PPP6R2: variants seen among roughly 807,000 people sequenced by gnomAD.
The protein encoded by PPP6R2 is protein phosphatase 6 regulatory subunit 2.
PPP6R2 carries 62 observed loss-of-function variants against 100.2 expected under a neutral mutation model. That is an observed-to-expected ratio of 0.62 (90% CI 0.50 to 0.76). PPP6R2 has a LOEUF of 0.76. Ranked by LOEUF, PPP6R2 falls within the 30% of genes least tolerant of loss-of-function variation. The pLI is 0.00. For synonymous variants in PPP6R2, 525 were observed against 514.7 expected, an observed-to-expected ratio of 1.02 and a Z score of -0.27; for missense variants, 1,142 against 1,276.3, an observed-to-expected ratio of 0.89 and a Z score of 1.60.
At chr22:50,410,469 CTTTTTTTTT>C (rs200178930) in intron 4 of PPP6R2, among the ~76,000 whole-genome samples, 1 of 103,342 alleles carries the variant, frequency 9.7e-6, no homozygotes, top group Admixed American at 1.0e-4. Flanking sequence ...TGAGTGGTGT[CTTTTTTTTT>C]TTTTTTTTTT....
chr22:50,424,618 C>T (rs1416179571), intron 10 of PPP6R2, among the ~76,000 whole-genome samples: 3 of 145,744 alleles, frequency 2.1e-5, no homozygotes, highest in Non-Finnish European at 3.0e-5. Flanking sequence ...ACCTACTTTC[C>T]TTTTCCCTCT....
intron 1 of PPP6R2, among the ~76,000 whole-genome samples, chr22:50,351,952 C>G (rs1220420908): frequency 6.6e-6 from 1 of 152,162 alleles, no homozygotes; most frequent in Non-Finnish European, 1.5e-5. Context: ...CACCACCATG[C>G]CCAGCTAATT....
rs775450178 is a variant in PPP6R2, at chr22:50,444,288, C to T, written c.*41C>T. 5.6e-6 allele frequency: 9 copies of T among 1,595,640 alleles called. 1 individual carries two copies. In the South Asian group the frequency reaches 9.1e-5, roughly 16 times the overall value. On this transcript the variant is annotated 3_prime_UTR_variant, in exon 24 of 24. Transcript: ENST00000612753. ...GCCACGGCCCACCCTGGTCAGGCTG[C>T]CTCCTTAATCGAGAAAACTACCTGG...
At chr22:50,412,797 A>G (rs2059948588) in intron 4 of PPP6R2, among the ~76,000 whole-genome samples, 1 of 150,800 alleles carries the variant, frequency 6.6e-6, no homozygotes, top group Non-Finnish European at 1.5e-5. Flanking sequence ...GCCCACCACC[A>G]TGCCCGGCTA....
the PPP6R2 span, among the ~76,000 whole-genome samples, chr22:50,336,241 G>C: frequency 6.6e-6 from 1 of 152,142 alleles, no homozygotes; most frequent in Non-Finnish European, 1.5e-5. Context: ...ACCCACCTCG[G>C]CTTCCCAAAG....
chr22:50,432,535 C>G (rs1037701832), intron 12 of PPP6R2, among the ~76,000 whole-genome samples: 9 of 152,136 alleles, frequency 5.9e-5, no homozygotes, highest in Non-Finnish European at 5.9e-5. Context: ...GGGGAGGGGA[C>G]ACAGGGAGCC....
At position 50,431,304 on chromosome 22, in the gene PPP6R2, T is replaced by G; in HGVS notation, c.1257T>G (p.Pro419=). The change falls in exon 11 of 24, where the codon CCT becomes CCG. Residue 419 remains proline (P), a synonymous_variant. Coordinates refer to ENST00000612753, the MANE Select transcript of PPP6R2 (RefSeq NM_001242898.2). The surrounding 1 kb of genome is among the most constrained non-coding windows in gnomAD (Gnocchi z 4.8). The part of the protein sequence containing the change: ...EASGSESRVE[P]PHENGNRSLE... ...GCGGATCCGAGAGCAGGGTGGAGCC[T>G]CCGCATGAGAACGGGAACCGGAGCC... is the stretch of plus-strand genomic sequence containing the variant. 1 of 1,613,298 alleles carries G rather than the reference T, an allele frequency of 6.2e-7. No individual in the cohort carries two copies. Among genetic ancestry groups the G allele is most frequent in the East Asian group, 2.2e-5 (1 of 44,880 alleles).
At chr22:50,349,592 GAGGC>G (rs2044549391) in intron 1 of PPP6R2, among the ~76,000 whole-genome samples, 1 of 152,096 alleles carries the variant, frequency 6.6e-6, no homozygotes, top group African/African-American at 2.4e-5. Context: ...TTGGGAGGCT[GAGGC>G]AGGTGGATCA....
chr22:50,332,758 G>T, the PPP6R2 span, among the ~76,000 whole-genome samples: 1 of 151,488 alleles, frequency 6.6e-6, no homozygotes, highest in African/African-American at 2.4e-5. Context: ...CAAGTAGTGG[G>T]TACTACAGGC....
At position 50,389,775 on chromosome 22, in the gene PPP6R2, T is replaced by C. The variant is rs2055049389; in HGVS notation, c.-16-4118T>C. On this transcript the variant is annotated intron_variant, in intron 2 of 23. Transcript: ENST00000612753. ...CACCATGCCTGGCTAATTTTTGTAT[T>C]TGTGGTAGAGATGGGGTTGGCCAGG... 1.3e-5 allele frequency among the ~76,000 whole-genome samples: 2 copies of C among 151,608 alleles called. 1 individual carries two copies. Among genetic ancestry groups the C allele is most frequent in the South Asian group, 4.2e-4 (2 of 4,800 alleles).
chr22:50,357,638 CT>C (rs1569278431), intron 1 of PPP6R2, among the ~76,000 whole-genome samples: 1 of 146,172 alleles, frequency 6.8e-6, no homozygotes, highest in Admixed American at 6.8e-5. Flanking sequence ...TTTTTTTTTT[CT>C]TTTTTTGAGA....
chr22:50,357,954 T>A (rs1362649504), intron 1 of PPP6R2, among the ~76,000 whole-genome samples: 2 of 152,092 alleles, frequency 1.3e-5, no homozygotes, highest in African/African-American at 2.4e-5. Flanking sequence ...TTAAATTTTT[T>A]AAATTTTAAT....
Position 50,431,521 on chromosome 22 carries a change from G to C in PPP6R2, c.1335+139G>C. 1 of 740,798 alleles carries C rather than the reference G, an allele frequency of 1.3e-6. No individual in the cohort carries two copies. 45.9% of individuals were successfully genotyped at this position (740,798 alleles called of 1,614,324 possible). A position where few individuals can be genotyped will look rare whatever the true frequency, so the allele number is the denominator to read the frequency against. On this transcript the variant is annotated intron_variant, in intron 11 of 23. Coordinates refer to ENST00000612753, the MANE Select transcript of PPP6R2 (RefSeq NM_001242898.2). The surrounding 1 kb of genome is among the most constrained non-coding windows in gnomAD (Gnocchi z 4.8). ...CTTTGAAAAGGGTCCCCAGGTGTCT[G>C]GTCAGACGCTCGTAGACAGTGGGGC...
At position 50,423,717 on chromosome 22, in the gene PPP6R2, G is replaced by T. The variant is rs2061624853; in HGVS notation, c.1125+103G>T. ...AGCAGGGCCCCAGCATTTGGACAAA[G>T]CTCTGCCACGGGGAGGTTCCAGTCC... On this transcript the variant is annotated intron_variant, in intron 10 of 23. Transcript: ENST00000612753. The surrounding 1 kb of genome is among the most constrained non-coding windows in gnomAD (Gnocchi z 4.8). The T allele has an allele frequency of 7.0e-7, 1 of 1,426,756 alleles. No individual in the cohort carries two copies. The highest frequency in any genetic ancestry group is 1.4e-5 in the African/African-American group (1 of 70,568). 88.4% of individuals were successfully genotyped at this position (1,426,756 alleles called of 1,614,324 possible). A position where few individuals can be genotyped will look rare whatever the true frequency, so the allele number is the denominator to read the frequency against.
At chr22:50,440,112 C>A in intron 21 of PPP6R2, 63 bp downstream of exon 21, 1 of 1,460,854 alleles carries the variant, frequency 6.8e-7, no homozygotes, top group Non-Finnish European at 9.4e-7. Flanking sequence ...GGCCAGCTGG[C>A]CCCCCTCCTT....
chr22:50,367,776 G>A (rs2148444658), intron 1 of PPP6R2, among the ~76,000 whole-genome samples: 1 of 152,212 alleles, frequency 6.6e-6, no homozygotes, highest in South Asian at 2.1e-4. Flanking sequence ...TTCTCTTTGT[G>A]TGCGGAGACG....
At chr22:50,397,972 CA>C (rs66500875) in intron 3 of PPP6R2, among the ~76,000 whole-genome samples, 2,918 of 76,394 alleles carry the variant, frequency 0.038, 359 homozygotes, top group African/African-American at 0.11. Context: ...GGGATGGGGG[CA>C]GGGGGGCCTG....
chr22:50,417,663 C>T (rs2060724916), intron 6 of PPP6R2, among the ~76,000 whole-genome samples: 1 of 152,180 alleles, frequency 6.6e-6, no homozygotes, highest in Non-Finnish European at 1.5e-5. Context: ...ACAGGAGAGG[C>T]CACGTTGGCG....
chr22:50,343,963 C>T (rs1457335955), intron 1 of PPP6R2, among the ~76,000 whole-genome samples: 1 of 11,018 alleles, frequency 9.1e-5, no homozygotes, highest in Admixed American at 6.9e-4. Flanking sequence ...CAGTCAGTTC[C>T]CCCCCAGTCA....
Sources: gnomAD v4.1 joint callset for allele counts (sites outside exome capture counted in the v4.1 genomes callset) on GRCh38, gnomAD v4.1.1 for gene constraint, Gnocchi (gnomAD v3.1) non-coding constraint, MANE v1.5 for transcripts, NCBI Gene and HGNC (gene_info 2026-07-23, HGNC 2026-07-21) for gene names.